CABCOCO1: variants seen among roughly 807,000 people sequenced by gnomAD.
CABCOCO1 encodes the protein ciliary-associated calcium-binding coiled-coil protein 1.
CABCOCO1 carries 28 observed loss-of-function variants against 35.7 expected under a neutral mutation model. That is an observed-to-expected ratio of 0.78 (90% confidence interval 0.58 to 1.07). The LOEUF (loss-of-function observed/expected upper bound fraction) is 1.07, where lower values mean the gene tolerates loss of function less well. Ranked by LOEUF, CABCOCO1 falls within the 50% of genes least tolerant of loss-of-function variation. CABCOCO1 has a pLI of 0.00. For missense variants in CABCOCO1, 326 were observed against 309.2 expected (o/e 1.05, Z -0.41); for synonymous variants, 95 against 100.1 (o/e 0.95, Z 0.30).
chr10:61,733,724 T>C (rs1841354968), intron 5 of CABCOCO1, among the ~76,000 whole-genome samples: 1 of 152,104 alleles, frequency 6.6e-6, no homozygotes, highest in African/African-American at 2.4e-5. Flanking sequence ...GATTTGCAGT[T>C]CAAAATACAA....
At chr10:61,748,742 A>T (rs1841718344) in intron 5 of CABCOCO1, among the ~76,000 whole-genome samples, 1 of 152,210 alleles carries the variant, frequency 6.6e-6, no homozygotes. Context: ...CAAAAAAATA[A>T]ATTATTCAAA....
intron 5 of CABCOCO1, among the ~76,000 whole-genome samples, chr10:61,724,334 A>T (rs1328424558): frequency 6.6e-6 from 1 of 152,198 alleles, no homozygotes; most frequent in African/African-American, 2.4e-5. Flanking sequence ...GAATATTGCA[A>T]AATTATTCTT....
chr10:61,756,539 T>C (rs1234274455), intron 5 of CABCOCO1, among the ~76,000 whole-genome samples: 1 of 152,102 alleles, frequency 6.6e-6, no homozygotes, highest in African/African-American at 2.4e-5. Context: ...GTTTTTATTA[T>C]ATCCATTTGT....
chr10:61,713,680 G>A (rs373000205), intron 5 of CABCOCO1, among the ~76,000 whole-genome samples: 1 of 152,090 alleles, frequency 6.6e-6, no homozygotes, highest in African/African-American at 2.4e-5. Flanking sequence ...TTTGAGATAC[G>A]TTCCATCAAT....
At chr10:61,671,539 A>T (rs1031445710) in intron 1 of CABCOCO1, among the ~76,000 whole-genome samples, 1 of 152,120 alleles carries the variant, frequency 6.6e-6, no homozygotes, top group Admixed American at 6.6e-5. Context: ...CATATGTATT[A>T]TTAGTATCAC....
At chr10:61,664,850 G>A (rs1206029571) in intron 1 of CABCOCO1, among the ~76,000 whole-genome samples, 1 of 152,138 alleles carries the variant, frequency 6.6e-6, no homozygotes, top group Non-Finnish European at 1.5e-5. Flanking sequence ...ATAGAAAAAT[G>A]GCAAGATTCT....
At chr10:61,762,010 T>C (rs1365857893) in intron 7 of CABCOCO1, among the ~76,000 whole-genome samples, 1 of 152,144 alleles carries the variant, frequency 6.6e-6, no homozygotes, top group Non-Finnish European at 1.5e-5. Context: ...CAAAGCTTTA[T>C]TGTTAACAAC....
chr10:61,671,528 G>C lies in CABCOCO1; in HGVS notation c.61-1104G>C, dbSNP rs1298511001. ...TCTTTGTCTAACTCACACAAAGGTG[G>C]CATATGTATTATTAGTATCACCACC... On this transcript the variant is annotated intron_variant, in intron 1 of 7. Transcript: ENST00000648843. Among the ~76,000 whole-genome samples the C allele has an allele frequency of 2.0e-5, 3 of 152,064 alleles. No individual in the cohort carries two copies. In the East Asian group the frequency reaches 5.8e-4, roughly 29 times the overall value.
chr10:61,682,805 G>A (rs1053153738), intron 3 of CABCOCO1, among the ~76,000 whole-genome samples: 9 of 151,480 alleles, frequency 5.9e-5, no homozygotes, highest in African/African-American at 1.2e-4. Flanking sequence ...TCTTGAATAC[G>A]ACATCAAATG....
intron 5 of CABCOCO1, among the ~76,000 whole-genome samples, chr10:61,743,683 C>T (rs181122991): frequency 7.1e-4 from 108 of 152,252 alleles, no homozygotes; most frequent in African/African-American, 2.6e-3. Context: ...ATCTTTTGTT[C>T]TAGAATGTTC....
At chr10:61,705,531 C>G (rs1041410893) in intron 5 of CABCOCO1, among the ~76,000 whole-genome samples, 2 of 152,130 alleles carry the variant, frequency 1.3e-5, no homozygotes, top group Non-Finnish European at 2.9e-5. Context: ...TGCTCAGAGC[C>G]TAGCAAGAGA....
intron 5 of CABCOCO1, among the ~76,000 whole-genome samples, chr10:61,731,771 G>C (rs1209575389): frequency 7.6e-6 from 1 of 132,386 alleles, no homozygotes; most frequent in Non-Finnish European, 1.6e-5. Flanking sequence ...AGGGAGGAAG[G>C]GAAGGAGGGA....
intron 5 of CABCOCO1, among the ~76,000 whole-genome samples, chr10:61,757,746 G>T (rs1251865861): frequency 6.6e-6 from 1 of 151,466 alleles, no homozygotes; most frequent in Non-Finnish European, 1.5e-5. Flanking sequence ...CCAGGAAACT[G>T]GGTAGTTGGT....
intron 1 of CABCOCO1, among the ~76,000 whole-genome samples, chr10:61,668,827 G>A (rs936509792): frequency 1.3e-5 from 2 of 149,734 alleles, no homozygotes; most frequent in African/African-American, 4.9e-5. Context: ...AAAAAACTCA[G>A]TAATCAAGAT....
chr10:61,733,809 A>T (rs1841356685), intron 5 of CABCOCO1, among the ~76,000 whole-genome samples: 1 of 152,066 alleles, frequency 6.6e-6, no homozygotes, highest in South Asian at 2.1e-4. Flanking sequence ...TTACTTAAAT[A>T]GTTGAATGTT....
intron 5 of CABCOCO1, among the ~76,000 whole-genome samples, chr10:61,754,654 G>T (rs1218551829): frequency 1.3e-5 from 2 of 152,124 alleles, no homozygotes; most frequent in Non-Finnish European, 2.9e-5. Flanking sequence ...TGGGCACAAG[G>T]TGTTAACTGG....
chr10:61,750,204 T>C (rs1341293184), intron 5 of CABCOCO1, among the ~76,000 whole-genome samples: 1 of 152,030 alleles, frequency 6.6e-6, no homozygotes, highest in East Asian at 1.9e-4. Flanking sequence ...AGGTGAGGGG[T>C]ATGGTATCTC....
At chr10:61,695,132 T>TA (rs1027705095) in intron 5 of CABCOCO1, among the ~76,000 whole-genome samples, 64 of 151,220 alleles carry the variant, frequency 4.2e-4, no homozygotes, top group Non-Finnish European at 8.0e-4. Flanking sequence ...CCTTAAGAAA[T>TA]AAAAAAATAT....
intron 1 of CABCOCO1, among the ~76,000 whole-genome samples, chr10:61,666,226 G>T (rs968810205): frequency 1.6e-4 from 25 of 152,118 alleles, no homozygotes; most frequent in Admixed American, 2.0e-4. Context: ...CCACTCCATC[G>T]TTACAGAGAA....
Sources: gnomAD v4.1 joint callset for allele counts (sites outside exome capture counted in the v4.1 genomes callset) on GRCh38, gnomAD v4.1.1 for gene constraint, MANE v1.5 for transcripts, NCBI Gene and HGNC (gene_info 2026-07-23, HGNC 2026-07-21) for gene names.